Variants in CNTN3 observed in about 807,000 individuals in gnomAD.
CNTN3 encodes the protein contactin-3.
CNTN3 carries 60 observed loss-of-function variants against 119.1 expected under a neutral mutation model. The observed-to-expected ratio is 0.50, with a 90% confidence interval of 0.41 to 0.62. The LOEUF (loss-of-function observed/expected upper bound fraction) is 0.62, where lower values mean the gene tolerates loss of function less well. CNTN3 is among the 20% of genes least tolerant of loss of function. The probability of loss-of-function intolerance (pLI) is 0.00; values close to 1 mark genes in which losing one functional copy is unlikely to be tolerated. For synonymous variants in CNTN3, 450 were observed against 438.7 expected (o/e 1.03, Z -0.32); for missense variants, 1,101 against 1,242.4 (o/e 0.89, Z 1.71).
intron 4 of CNTN3, among the ~76,000 whole-genome samples, chr3:74,448,583 T>C (rs1702090173): frequency 6.6e-6 from 1 of 152,120 alleles, no homozygotes; most frequent in African/African-American, 2.4e-5. Flanking sequence ...ATTATTTAGC[T>C]TGCCTACACA....
At chr3:74,298,639 G>A (rs535242541) in intron 17 of CNTN3, among the ~76,000 whole-genome samples, 1 of 151,216 alleles carries the variant, frequency 6.6e-6, no homozygotes, top group African/African-American at 2.4e-5. Flanking sequence ...GCTCACGCCT[G>A]TAATCCCAGC....
Position 74,566,392 on chromosome 3 carries a change from T to C in CNTN3, c.-80-45200A>G, listed in dbSNP as rs148432126. 9.9e-5 allele frequency among the ~76,000 whole-genome samples: 15 copies of C among 152,228 alleles called. No homozygotes were observed. In the East Asian group the frequency reaches 2.3e-3, roughly 24 times the overall value. Reference sequence around the variant, plus strand: ...TTACCACAAACCAGGTGGCTTAAAATAACAGAAATGTATTCTCTCAATGTT... The same window carrying C: ...TTACCACAAACCAGGTGGCTTAAAACAACAGAAATGTATTCTCTCAATGTT... On this transcript the variant is annotated intron_variant, in intron 1 of 22. Transcript: ENST00000263665.
chr3:74,392,599 T>C (rs182580926), intron 5 of CNTN3, among the ~76,000 whole-genome samples: 5 of 152,172 alleles, frequency 3.3e-5, no homozygotes, highest in Non-Finnish European at 7.4e-5. Context: ...AATGAGCATA[T>C]AGTAGCATAC....
intron 1 of CNTN3, among the ~76,000 whole-genome samples, chr3:74,569,985 G>A (rs1704283961): frequency 6.6e-6 from 1 of 152,128 alleles, no homozygotes; most frequent in Non-Finnish European, 1.5e-5. Context: ...TCACAACAGG[G>A]ATGTTTGCTT....
intron 4 of CNTN3, among the ~76,000 whole-genome samples, chr3:74,455,057 T>C (rs1297604013): frequency 6.6e-6 from 1 of 152,156 alleles, no homozygotes; most frequent in East Asian, 1.9e-4. Flanking sequence ...TTGGCCTGCC[T>C]TGCTAGATTG....
intron 8 of CNTN3, among the ~76,000 whole-genome samples, chr3:74,367,419 A>C (rs533563037): frequency 3.9e-5 from 6 of 152,064 alleles, no homozygotes; most frequent in Non-Finnish European, 8.8e-5. Context: ...ATCACCTCAC[A>C]TTGTCTATAG....
chr3:74,603,122 T>C (rs1704938276), intron 1 of CNTN3, among the ~76,000 whole-genome samples: 1 of 152,112 alleles, frequency 6.6e-6, no homozygotes, highest in African/African-American at 2.4e-5. Flanking sequence ...ATATTCTTAG[T>C]CACAGGTATA....
At chr3:74,559,362 G>A (rs1044713496) in intron 1 of CNTN3, among the ~76,000 whole-genome samples, 10 of 152,202 alleles carry the variant, frequency 6.6e-5, no homozygotes, top group East Asian at 3.9e-4. Context: ...CGATTCTTCC[G>A]CAGTGAAGGA....
intron 5 of CNTN3, among the ~76,000 whole-genome samples, chr3:74,422,716 C>T (rs1701635666): frequency 6.6e-6 from 1 of 152,154 alleles, no homozygotes; most frequent in African/African-American, 2.4e-5. Flanking sequence ...CTGATCACAA[C>T]CAAGACTACC....
At chr3:74,407,264 ATTTTTTT>A (rs753215277) in intron 5 of CNTN3, among the ~76,000 whole-genome samples, 3 of 105,526 alleles carry the variant, frequency 2.8e-5, no homozygotes, top group Admixed American at 2.5e-4. Context: ...CAAATATTCT[ATTTTTTT>A]TTTTTTTTTT....
chr3:74,557,262 G>C (rs1704083071), intron 1 of CNTN3, among the ~76,000 whole-genome samples: 1 of 152,234 alleles, frequency 6.6e-6, no homozygotes, highest in Non-Finnish European at 1.5e-5. Flanking sequence ...GAGTTTTCTA[G>C]TTTTAGCTGT....
intron 3 of CNTN3, among the ~76,000 whole-genome samples, chr3:74,493,534 G>A (rs1357151378): frequency 6.6e-6 from 1 of 152,074 alleles, no homozygotes; most frequent in East Asian, 1.9e-4. Flanking sequence ...GAAAATTTGG[G>A]GGGGTCTGGG....
chr3:74,288,394 G>T (rs534462716), intron 19 of CNTN3, among the ~76,000 whole-genome samples: 36 of 151,900 alleles, frequency 2.4e-4, no homozygotes, highest in African/African-American at 8.7e-4. Flanking sequence ...CCTGACCTAA[G>T]GTGATCCACC....
intron 20 of CNTN3, 141 bp downstream of exon 20, chr3:74,285,164 T>C: frequency 1.1e-6 from 1 of 878,820 alleles, no homozygotes; most frequent in Non-Finnish European, 1.7e-6. Flanking sequence ...GAGTTGGGTT[T>C]TGGAGTTAGG....
At chr3:74,280,781 A>C (rs988129175) in intron 20 of CNTN3, among the ~76,000 whole-genome samples, 1 of 152,230 alleles carries the variant, frequency 6.6e-6, no homozygotes, top group Admixed American at 6.5e-5. Context: ...ACTCCGGCTA[A>C]GGCAGGACAC....
rs889833343 is a variant in CNTN3 at position 74,306,419 on chromosome 3, T to C, written c.1669-3612A>G. On this transcript the variant is annotated intron_variant, in intron 13 of 22. Coordinates refer to ENST00000263665, the MANE Select transcript of CNTN3 (RefSeq NM_020872.3). ...GACAAATTCTTAGAAACACTAATAA[T>C]ACTTTGAATAAAAAATAGCTTATCT... 2.6e-5 allele frequency among the ~76,000 whole-genome samples: 4 copies of C among 152,140 alleles called. No individual in the cohort carries two copies. The East Asian group carries it at 5.8e-4, about 22-fold the overall frequency.
intron 1 of CNTN3, among the ~76,000 whole-genome samples, chr3:74,568,747 A>C (rs1704264615): frequency 6.6e-6 from 1 of 152,174 alleles, no homozygotes; most frequent in Non-Finnish European, 1.5e-5. Flanking sequence ...TAGGTGATAA[A>C]GGCTTCCACA....
At chr3:74,327,104 TC>T (rs144965621) in intron 13 of CNTN3, among the ~76,000 whole-genome samples, 6,123 of 106,972 alleles carry the variant, frequency 0.057, 1,421 homozygotes, top group Middle Eastern at 0.1. Context: ...GAAGGGTTAA[TC>T]CTTTTTTTTT....
At chr3:74,509,346 C>T (rs139385602) in intron 2 of CNTN3, among the ~76,000 whole-genome samples, 2,021 of 144,510 alleles carry the variant, frequency 0.014, 48 homozygotes, top group African/African-American at 0.048. Context: ...TGGGGTCTCG[C>T]TCTGTTGCCC....
Sources: gnomAD v4.1 joint callset for allele counts (sites outside exome capture counted in the v4.1 genomes callset) on GRCh38, gnomAD v4.1.1 for gene constraint, MANE v1.5 for transcripts, NCBI Gene and HGNC (gene_info 2026-07-23, HGNC 2026-07-21) for gene names.